The following MYO19 variants were observed in gnomAD, a reference collection of about 807,000 sequenced individuals.
MYO19 encodes the protein myosin XIX.
In MYO19, 132 loss-of-function variants were observed where a neutral mutation model predicts 129.2. The ratio of observed to expected loss-of-function variants is 1.02; its 90% CI spans 0.89 to 1.18. The LOEUF is 1.18. Among genes scored for constraint, MYO19 ranks in the 50% most tolerant of loss-of-function variants. The pLI is 0.00. For synonymous variants in MYO19, 531 were observed against 477.2 expected (o/e 1.11, Z -1.47); for missense variants, 1,210 against 1,216.7 (o/e 0.99, Z 0.08).
chr17:36,535,409 G>A (rs368523348), upstream of MYO19: 2 of 152,278 alleles, frequency 1.3e-5, no homozygotes, highest in Non-Finnish European at 2.9e-5. Flanking sequence ...ACACTGGCAC[G>A]AGCGCCATGA....
At chr17:36,508,014 C>A in intron 14 of MYO19, 90 bp from the exon 15 acceptor site, 1 of 1,411,836 alleles carries the variant, frequency 7.1e-7, no homozygotes, top group Admixed American at 2.7e-5. Flanking sequence ...GGGCCCCTGC[C>A]AATGCCTTAT....
At chr17:36,514,322 G>C (rs181558554) in intron 9 of MYO19, 124 bp downstream of exon 9, 4 of 699,738 alleles carry the variant, frequency 5.7e-6, no homozygotes, top group East Asian at 5.0e-5. Flanking sequence ...AGGATAAAGT[G>C]GTGGCTCCAT....
upstream of MYO19, among the ~76,000 whole-genome samples, chr17:36,536,525 T>C (rs1478894613): frequency 1.6e-5 from 1 of 61,858 alleles, no homozygotes; most frequent in African/African-American, 4.0e-5. Context: ...TTTCTTTTCC[T>C]TTTTTTTTTT....
At position 36,498,495 on chromosome 17, in the gene MYO19, G is replaced by A. The variant is rs2142696500; in HGVS notation, c.2528C>T (p.Ala843Val). The change falls in exon 25 of 26, where the codon GCT (alanine) becomes GTT (valine). Residue 843 changes from alanine (A) to valine (V), a missense_variant. Physicochemically the swap from Ala to Val is moderately conservative, Grantham distance 64. Transcript: ENST00000614623. The part of the protein sequence containing the change: ...DGVEEKHFSQ[A>V]PCSLSTSPLQ... Reference sequence around the variant, plus strand: ...CGGCGAGGTGCTCAGGGAACAGGGAGCTTGAGAGAAGTGTTTTTCTTCCAC... The same window carrying A: ...CGGCGAGGTGCTCAGGGAACAGGGAACTTGAGAGAAGTGTTTTTCTTCCAC... The A allele has an allele frequency of 1.9e-6, 3 of 1,614,068 alleles. No homozygotes were observed. Among genetic ancestry groups the A allele is most frequent in the Non-Finnish European group, 2.5e-6 (3 of 1,179,904 alleles).
At position 36,528,213 on chromosome 17, in the gene MYO19, T is replaced by G. The variant is rs2073604787; in HGVS notation, c.13-11A>C. 7 of 1,562,284 alleles carry G rather than the reference T, an allele frequency of 4.5e-6. No homozygotes were observed. The East Asian group carries it at 9.5e-5, about 21-fold the overall frequency. On this transcript the variant is annotated splice_polypyrimidine_tract_variant and intron_variant, in intron 3 of 25. Coordinates refer to ENST00000614623, the MANE Select transcript of MYO19 (RefSeq NM_001163735.2). ...ATTGTGGCCATTGACCTGGAAGAGATAACGTGAAGGTGAGGCCAGGCACAG... is the reference window on the plus strand; with the variant it reads ...ATTGTGGCCATTGACCTGGAAGAGAGAACGTGAAGGTGAGGCCAGGCACAG...
chr17:36,507,260 C>A lies in MYO19; in HGVS notation c.1468-121G>T, dbSNP rs369271541. 3.7e-5 allele frequency: 54 copies of A among 1,457,788 alleles called. No homozygotes were observed. The African/African-American group carries it at 4.3e-4, about 12-fold the overall frequency. 90.3% of individuals were successfully genotyped at this position (1,457,788 alleles called of 1,614,324 possible). On this transcript the variant is annotated intron_variant, in intron 16 of 25. Transcript: ENST00000614623. ...CACACAGGCATCATAGTGTCCCCAA[C>A]AGAAAAAATATAGCAATTAGCAGAT...
intron 6 of MYO19, among the ~76,000 whole-genome samples, chr17:36,517,108 C>T (rs2072805627): frequency 6.6e-6 from 1 of 152,150 alleles, no homozygotes; most frequent in South Asian, 2.1e-4. Context: ...TTCTCCATTT[C>T]ATCTAAATTG....
rs755576212 is a variant in MYO19 at position 36,501,200 on chromosome 17, G to A, written c.2116C>T (p.Pro706Ser). ...GTGTGGAGAATGTCCTGGATGAGAG[G>A]TTCAAGCGTGGCTTCCTCGCTGTGT... ...CPHSEEATLE[P>S]LIQDILHTLP... Residue 706 changes from proline to serine, a missense_variant, in exon 22 of 26, where the codon CCT becomes TCT. Physicochemically the swap from Pro to Ser is moderately conservative, Grantham distance 74. Transcript: ENST00000614623. 18 of 1,613,716 alleles carry A rather than the reference G, an allele frequency of 1.1e-5. No individual in the cohort carries two copies. In the Admixed American group the frequency reaches 3.0e-4, roughly 27 times the overall value.
intron 4 of MYO19, 79 bp downstream of exon 4, chr17:36,527,985 T>G: frequency 6.5e-7 from 1 of 1,547,468 alleles, no homozygotes; most frequent in Non-Finnish European, 8.8e-7. Flanking sequence ...CCGTCTGACC[T>G]GGAGAAGCTG....
In MYO19 at chr17:36,501,142, G is replaced by C. The variant is rs368587558; in HGVS notation, c.2174C>G (p.Thr725Ser). The C allele has an allele frequency of 6.2e-7, 1 of 1,613,970 alleles. No individual in the cohort carries two copies. The highest frequency in any genetic ancestry group is 8.5e-7 in the Non-Finnish European group (1 of 1,179,924). The change falls in exon 22 of 26, where the codon ACT becomes AGT. Residue 725 changes from threonine to serine, a missense_variant. Coordinates refer to ENST00000614623, the MANE Select transcript of MYO19 (RefSeq NM_001163735.2). ...TGGCATGGCCTCAGCCGAGTCACCA[G>C]TTATGGCTGCTGCCTGAGTTAGGAC... is the stretch of plus-strand genomic sequence containing the variant. The part of the protein sequence containing the change: ...LPVLTQAAAI[T>S]GDSAEAMPAP...
intron 12 of MYO19, 154 bp from the exon 13 acceptor site, chr17:36,511,071 T>A: frequency 1.1e-6 from 1 of 892,360 alleles, no homozygotes; most frequent in Non-Finnish European, 1.7e-6. Context: ...AAGGACTCCA[T>A]AAACAGCAGT....
At chr17:36,515,280 CAA>C in intron 7 of MYO19, 98 bp from the exon 8 acceptor site, 1 of 1,083,724 alleles carries the variant, frequency 9.2e-7, no homozygotes, top group South Asian at 1.5e-5. Context: ...TTCCCGTGCT[CAA>C]GTCACCTAAA....
At chr17:36,504,912 C>CAA (rs35146983) in intron 19 of MYO19, 702 of 188,128 alleles carry the variant, frequency 3.7e-3, no homozygotes, top group South Asian at 7.6e-3. Context: ...GGCTCAGTCT[C>CAA]AAAAAAAAAA....
At chr17:36,514,376 T>TG (rs920735032) in intron 9 of MYO19, 70 bp downstream of exon 9, 6 of 973,144 alleles carry the variant, frequency 6.2e-6, no homozygotes, top group East Asian at 4.8e-5. Context: ...TTCTGGGGAG[T>TG]GGGGGGTTGA....
chr17:36,503,192 T>G lies in MYO19; in HGVS notation c.1985A>C (p.His662Pro). 1 of 1,613,962 alleles carries G rather than the reference T, an allele frequency of 6.2e-7. No individual in the cohort carries two copies. ...SAAGFPIRVS[H>P]RNFVERYKLL... ...CTTGTATCGTTCTACAAAGTTTCGG[T>G]GAGAGACCCTGGAGGCCAAAGCAGG... is the stretch of plus-strand genomic sequence containing the variant. Residue 662 changes from histidine to proline, a missense_variant, in exon 21 of 26, where the codon CAC becomes CCC. Transcript: ENST00000614623.
rs372063902 is a variant in MYO19, at chr17:36,528,148, C to G, written c.67G>C (p.Asp23His). 2 of 1,611,602 alleles carry G rather than the reference C, an allele frequency of 1.2e-6. No individual in the cohort carries two copies. The highest frequency in any genetic ancestry group is 1.7e-6 in the Non-Finnish European group (2 of 1,178,908). Reference protein sequence around the residue: ...DGQAREYLREDLQEFLGGEVL... With the variant: ...DGQAREYLREHLQEFLGGEVL... ...TCCCCACCCAGGAACTCCTGCAGGT[C>G]TTCTCTGAGGTACTCCCTGGCTTGG... is the stretch of plus-strand genomic sequence containing the variant. The change falls in exon 4 of 26, where the codon GAC becomes CAC. Residue 23 changes from aspartate (D) to histidine (H), a missense_variant. Physicochemically the swap from Asp to His is moderately conservative, Grantham distance 81 (BLOSUM62 -1). Transcript: ENST00000614623.
At chr17:36,502,155 C>A (rs964028374) in intron 21 of MYO19, among the ~76,000 whole-genome samples, 1 of 151,442 alleles carries the variant, frequency 6.6e-6, no homozygotes, top group African/African-American at 2.5e-5. Context: ...CGAGGCGGGG[C>A]CCCCCGGCAG....
Position 36,513,576 on chromosome 17 carries a change from A to G in MYO19, c.817+53T>C, listed in dbSNP as rs1222971551. On this transcript the variant is annotated intron_variant, in intron 10 of 25. Transcript: ENST00000614623. ...TGCGAGGGAGGCAGGCTCTGTACAG[A>G]GTGGGTGGGTGATGCTGGGTCAGCG... The G allele has an allele frequency of 4.3e-6, 7 of 1,613,470 alleles. No individual in the cohort carries two copies. In the South Asian group the frequency reaches 4.4e-5, roughly 10 times the overall value.
rs140991058 is a variant in MYO19, at chr17:36,504,489, G to A, written c.1906-469C>T. 314 of 157,318 alleles carry A rather than the reference G, an allele frequency of 2.0e-3. 2 individuals carry two copies. The highest frequency in any genetic ancestry group is 7.3e-3 in the African/African-American group (303 of 41,674). 9.7% of individuals were successfully genotyped at this position (157,318 alleles called of 1,614,324 possible). A position where few individuals can be genotyped will look rare whatever the true frequency, so the allele number is the denominator to read the frequency against. On this transcript the variant is annotated intron_variant, in intron 19 of 25. Coordinates refer to ENST00000614623, the MANE Select transcript of MYO19 (RefSeq NM_001163735.2). ...AGCTGAGTTGTCCTGGCTACAAACC[G>A]GAAGGCCACATCTACCAGGCCACAC...
Sources: gnomAD v4.1 joint callset for allele counts (sites outside exome capture counted in the v4.1 genomes callset) on GRCh38, gnomAD v4.1.1 for gene constraint, MANE v1.5 for transcripts, NCBI Gene and HGNC (gene_info 2026-07-23, HGNC 2026-07-21) for gene names.